PRKCH: variants seen among roughly 807,000 people sequenced by gnomAD.
PRKCH encodes the protein protein kinase C eta type.
PRKCH carries 28 observed loss-of-function variants against 82.5 expected under a neutral mutation model. The ratio of observed to expected loss-of-function variants is 0.34; its 90% CI spans 0.25 to 0.47. The LOEUF (loss-of-function observed/expected upper bound fraction) is 0.47, where lower values mean the gene tolerates loss of function less well. Ranked by LOEUF, PRKCH falls within the 20% of genes least tolerant of loss-of-function variation. PRKCH has a pLI of 1.00. For missense variants in PRKCH, 705 were observed against 881.8 expected, an observed-to-expected ratio of 0.80 and a Z score of 2.54; for synonymous variants, 322 against 327.4, an observed-to-expected ratio of 0.98 and a Z score of 0.18.
At chr14:61,276,862 C>G (rs1461728026) in intron 1 of PRKCH, among the ~76,000 whole-genome samples, 1 of 151,984 alleles carries the variant, frequency 6.6e-6, no homozygotes, top group Non-Finnish European at 1.5e-5. Context: ...AAAGGAAATT[C>G]CAGACTATTA....
chr14:61,517,166 A>G (rs2042840229), intron 10 of PRKCH, among the ~76,000 whole-genome samples: 1 of 152,200 alleles, frequency 6.6e-6, no homozygotes, highest in African/African-American at 2.4e-5. Flanking sequence ...TGCCAAAAGC[A>G]GCCTGCACAT....
chr14:61,201,724 G>A (rs1036254028), intron 1 of PRKCH, among the ~76,000 whole-genome samples: 8 of 152,060 alleles, frequency 5.3e-5, no homozygotes, highest in Admixed American at 1.3e-4. Flanking sequence ...AATAAAAACA[G>A]GTTAACAAAA....
At chr14:61,263,847 T>TTGTG (rs56280986) in intron 1 of PRKCH, among the ~76,000 whole-genome samples, 1,842 of 144,266 alleles carry the variant, frequency 0.013, 19 homozygotes, top group East Asian at 0.023. Context: ...AGTCAGAGTA[T>TTGTG]TGTGTGTGTG....
At chr14:61,347,925 G>T in intron 1 of PRKCH, 1 of 152,906 alleles carries the variant, frequency 6.5e-6, no homozygotes. Context: ...GGAGGCAGTG[G>T]GGTGAGGAGA....
intron 1 of PRKCH, among the ~76,000 whole-genome samples, chr14:61,239,926 T>TAGCAATAACCACAC (rs1429153030): frequency 6.6e-6 from 1 of 152,230 alleles, no homozygotes; most frequent in African/African-American, 2.4e-5. Flanking sequence ...CTATTACAGA[T>TAGCAATAACCACAC]AGCAATAACC....
intron 2 of PRKCH, among the ~76,000 whole-genome samples, chr14:61,422,322 C>T (rs1478551965): frequency 2.0e-5 from 3 of 152,264 alleles, no homozygotes; most frequent in Middle Eastern, 3.4e-3. Flanking sequence ...TGGCCTCAAG[C>T]GATCCTCCCC....
At chr14:61,396,877 A>G (rs2046792643) in intron 2 of PRKCH, among the ~76,000 whole-genome samples, 1 of 152,184 alleles carries the variant, frequency 6.6e-6, no homozygotes, top group Non-Finnish European at 1.5e-5. Context: ...GTTACACCAG[A>G]ATAATTATAC....
chr14:61,441,614 G>T (rs1957895), intron 2 of PRKCH, among the ~76,000 whole-genome samples: 111,833 of 151,982 alleles, frequency 0.74, 45,940 homozygotes, highest in Non-Finnish European at 0.91. Flanking sequence ...CATTTTTACT[G>T]GATTGTTCAT....
intron 1 of PRKCH, among the ~76,000 whole-genome samples, chr14:61,241,424 G>A (rs926144303): frequency 1.3e-5 from 2 of 152,192 alleles, no homozygotes; most frequent in Non-Finnish European, 2.9e-5. Context: ...ACTCTCCAGA[G>A]GTTGTGGGAT....
In PRKCH at chr14:61,211,929, C is replaced by T. The variant is rs150907673; in HGVS notation, c.-19+24261C>T. Among the ~76,000 whole-genome samples the T allele has an allele frequency of 2.8e-3, 425 of 152,226 alleles. 2 individuals are homozygous for T. The highest frequency in any genetic ancestry group is 9.3e-3 in the African/African-American group (385 of 41,518). On this transcript the variant is annotated intron_variant, in intron 1 of 3. Transcript: ENST00000555185. ...AGGGCAGTTATTATAACTGGAGAGG[C>T]GGGAGTGAAGCGATTCAGCCCAGGT... is the stretch of plus-strand genomic sequence containing the variant.
At chr14:61,436,400 G>C (rs1422395699) in intron 2 of PRKCH, among the ~76,000 whole-genome samples, 1 of 152,100 alleles carries the variant, frequency 6.6e-6, no homozygotes, top group Non-Finnish European at 1.5e-5. Context: ...AGTGAGATCC[G>C]GGTCTAATAC....
intron 1 of PRKCH, among the ~76,000 whole-genome samples, chr14:61,189,378 T>A (rs563635027): frequency 5.0e-4 from 66 of 132,670 alleles, no homozygotes; most frequent in African/African-American, 2.0e-3. Context: ...AAAGGGGGGA[T>A]GGAAGTGTGC....
At chr14:61,190,769 T>C (rs17098109) in intron 1 of PRKCH, among the ~76,000 whole-genome samples, 5,692 of 152,180 alleles carry the variant, frequency 0.037, 313 homozygotes, top group African/African-American at 0.12. Context: ...TGAAACTCTC[T>C]TCCCCGATGG....
chr14:61,207,981 A>G (rs1225889098), intron 1 of PRKCH, among the ~76,000 whole-genome samples: 4 of 152,216 alleles, frequency 2.6e-5, no homozygotes, highest in Non-Finnish European at 5.9e-5. Context: ...ACAAGCAAAT[A>G]CCAAATGTAT....
chr14:61,491,571 A>G (rs952590249), intron 10 of PRKCH, among the ~76,000 whole-genome samples: 5 of 151,994 alleles, frequency 3.3e-5, no homozygotes, highest in African/African-American at 9.7e-5. Flanking sequence ...CTGCTCTTCA[A>G]CTCTCACCAG....
chr14:61,370,054 C>G (rs1331632225), intron 1 of PRKCH, among the ~76,000 whole-genome samples: 1 of 151,910 alleles, frequency 6.6e-6, no homozygotes, highest in Non-Finnish European at 1.5e-5. Flanking sequence ...AGCGATTCTC[C>G]TGTCTCAGCC....
chr14:61,376,804 G>A (rs1356571702), intron 1 of PRKCH, among the ~76,000 whole-genome samples: 4 of 152,150 alleles, frequency 2.6e-5, no homozygotes, highest in East Asian at 3.8e-4. Context: ...CAAACCTTTC[G>A]TCCATTGCAT....
chr14:61,480,033 G>A (rs1048035060), intron 9 of PRKCH, among the ~76,000 whole-genome samples: 4 of 152,198 alleles, frequency 2.6e-5, no homozygotes, highest in African/African-American at 9.7e-5. Context: ...TGTTAAACCG[G>A]TCTCCTGGCC....
intron 1 of PRKCH, among the ~76,000 whole-genome samples, chr14:61,299,032 A>G (rs2045428115): frequency 6.6e-6 from 1 of 152,176 alleles, no homozygotes. Flanking sequence ...GTCTGGTGTC[A>G]CTTCTCCCTT....
Sources: gnomAD v4.1 joint callset for allele counts (sites outside exome capture counted in the v4.1 genomes callset) on GRCh38, gnomAD v4.1.1 for gene constraint, MANE v1.5 for transcripts, NCBI Gene and HGNC (gene_info 2026-07-23, HGNC 2026-07-21) for gene names.